Variants in CDK14 observed in about 807,000 individuals in gnomAD.
The protein encoded by CDK14 is cyclin-dependent kinase 14.
In CDK14, 34 loss-of-function variants were observed where a neutral mutation model predicts 60.7. That is an observed-to-expected ratio of 0.56 (90% CI 0.43 to 0.75). The LOEUF (loss-of-function observed/expected upper bound fraction) is 0.75. Ranked by LOEUF, CDK14 falls within the 30% of genes least tolerant of loss-of-function variation. CDK14 has a pLI of 0.00. For missense variants in CDK14, 482 were observed against 564.1 expected (o/e 0.85, Z 1.47); for synonymous variants, 197 against 203.7 (o/e 0.97, Z 0.28).
chr7:90,640,720 A>T (rs1439458951), intron 2 of CDK14, among the ~76,000 whole-genome samples: 1 of 152,104 alleles, frequency 6.6e-6, no homozygotes, highest in Non-Finnish European at 1.5e-5. Context: ...AGTGTTCTAA[A>T]GTTGATTTTG....
At chr7:90,638,732 A>G (rs1051840713) in intron 2 of CDK14, among the ~76,000 whole-genome samples, 18 of 152,204 alleles carry the variant, frequency 1.2e-4, no homozygotes, top group South Asian at 2.1e-4. Flanking sequence ...GTGTTTTCCA[A>G]CTTGGTTATA....
At chr7:91,033,861 AAG>A (rs1252950244) in intron 10 of CDK14, among the ~76,000 whole-genome samples, 1 of 152,204 alleles carries the variant, frequency 6.6e-6, no homozygotes. Flanking sequence ...TCAGTCTGAA[AAG>A]AGAGAAAAGT....
intron 12 of CDK14, among the ~76,000 whole-genome samples, chr7:91,094,542 T>C (rs553545673): frequency 6.6e-6 from 1 of 152,256 alleles, no homozygotes; most frequent in African/African-American, 2.4e-5. Context: ...AAAACAACTC[T>C]CAAATTGTTT....
intron 5 of CDK14, among the ~76,000 whole-genome samples, chr7:90,835,526 A>G (rs1171258499): frequency 2.0e-5 from 3 of 152,180 alleles, no homozygotes; most frequent in Non-Finnish European, 2.9e-5. Context: ...TCTCTGTGCA[A>G]GACAATGATA....
chr7:91,011,079 G>A (rs767623849), intron 10 of CDK14, among the ~76,000 whole-genome samples: 2 of 151,800 alleles, frequency 1.3e-5, no homozygotes, highest in Admixed American at 6.6e-5. Context: ...AATTGATACT[G>A]CTTTGCAGAC....
intron 12 of CDK14, among the ~76,000 whole-genome samples, chr7:91,083,818 G>C (rs1333731767): frequency 6.6e-6 from 1 of 152,174 alleles, no homozygotes; most frequent in Non-Finnish European, 1.5e-5. Context: ...GTTGCAAGCA[G>C]GTGCCAGGAG....
At chr7:90,784,211 C>A (rs191998541) in intron 4 of CDK14, among the ~76,000 whole-genome samples, 1 of 152,042 alleles carries the variant, frequency 6.6e-6, no homozygotes, top group African/African-American at 2.4e-5. Flanking sequence ...TATATGGGAA[C>A]TAAAAAATTG....
chr7:90,868,459 A>G (rs1457635211), intron 6 of CDK14, among the ~76,000 whole-genome samples: 1 of 152,014 alleles, frequency 6.6e-6, no homozygotes, highest in East Asian at 1.9e-4. Flanking sequence ...AGTCATTTGC[A>G]TATCAGTCAT....
chr7:91,006,248 T>A lies in CDK14; in HGVS notation c.1041+22007T>A, dbSNP rs3808288. The stretch of plus-strand genomic sequence containing the variant: ...TTTTTAGTTCTTAAAGAATATAAGT[T>A]TCCATTGAAACTACCCTTCCCCAAA... On this transcript the variant is annotated intron_variant, in intron 10 of 14. Coordinates refer to ENST00000380050, the MANE Select transcript of CDK14 (RefSeq NM_001287135.2). Among the ~76,000 whole-genome samples the A allele has an allele frequency of 5.3e-3, 814 of 152,366 alleles. 21 individuals are homozygous for A. The highest frequency in any genetic ancestry group is 0.046 in the East Asian group (236 of 5,186).
chr7:90,812,891 G>T (rs888561882), intron 5 of CDK14, among the ~76,000 whole-genome samples: 7 of 152,084 alleles, frequency 4.6e-5, no homozygotes, highest in African/African-American at 1.7e-4. Context: ...ATTATCATAT[G>T]ACCCAGTGAC....
chr7:91,024,516 T>G (rs1358886459), intron 10 of CDK14, among the ~76,000 whole-genome samples: 1 of 152,130 alleles, frequency 6.6e-6, no homozygotes, highest in Non-Finnish European at 1.5e-5. Context: ...CTGGGTGTTG[T>G]GGCACACGCC....
intron 12 of CDK14, among the ~76,000 whole-genome samples, chr7:91,089,354 G>A (rs1485660715): frequency 2.6e-5 from 4 of 151,890 alleles, no homozygotes; most frequent in African/African-American, 4.8e-5. Flanking sequence ...TATGTCTGTC[G>A]GCTGAAGAGG....
chr7:91,208,477 T>C lies in CDK14; in HGVS notation c.*1341T>C, dbSNP rs1802971279. ...AGTAGTACTGCGGCCAAGGGGACAG[T>C]TAGGAGACTTCATCTAAAGCATGAA... On this transcript the variant is annotated 3_prime_UTR_variant, in exon 15 of 15. Coordinates refer to ENST00000380050, the MANE Select transcript of CDK14 (RefSeq NM_001287135.2). 1 of 152,286 alleles carries C rather than the reference T, an allele frequency of 6.6e-6. No individual in the cohort carries two copies. Among genetic ancestry groups the C allele is most frequent in the Non-Finnish European group, 1.5e-5 (1 of 68,028 alleles). 9.4% of individuals were successfully genotyped at this position (152,286 alleles called of 1,614,324 possible).
At chr7:91,141,528 TAAAC>T (rs1800456314) in intron 14 of CDK14, among the ~76,000 whole-genome samples, 1 of 151,724 alleles carries the variant, frequency 6.6e-6, no homozygotes, top group Non-Finnish European at 1.5e-5. Flanking sequence ...CTTGATGGGA[TAAAC>T]AAAGATTCAA....
intron 12 of CDK14, among the ~76,000 whole-genome samples, chr7:91,086,240 A>T (rs1490035185): frequency 1.3e-5 from 2 of 152,210 alleles, no homozygotes; most frequent in Non-Finnish European, 2.9e-5. Context: ...ATAGCTCTGG[A>T]GTACCCAATA....
At chr7:91,089,823 A>G (rs561162024) in intron 12 of CDK14, among the ~76,000 whole-genome samples, 74 of 152,318 alleles carry the variant, frequency 4.9e-4, no homozygotes, top group Non-Finnish European at 6.5e-4. Context: ...ACCAAATGGG[A>G]CTAAGCACAT....
At chr7:90,675,530 C>T (rs1801182631) in intron 2 of CDK14, among the ~76,000 whole-genome samples, 1 of 152,004 alleles carries the variant, frequency 6.6e-6, no homozygotes, top group Non-Finnish European at 1.5e-5. Flanking sequence ...ACGGAATGTG[C>T]TCTATAACTT....
intron 10 of CDK14, 59 bp downstream of exon 10, chr7:90,984,300 C>T: frequency 9.9e-7 from 1 of 1,012,606 alleles, no homozygotes; most frequent in Non-Finnish European, 1.6e-6. Flanking sequence ...CACTTAGTGA[C>T]AAATTCTACA....
rs138375196 is a variant in CDK14 at position 91,090,826 on chromosome 7, G to A, written c.1154+11346G>A. Among the ~76,000 whole-genome samples the A allele has an allele frequency of 1.2e-4, 19 of 152,064 alleles. No individual in the cohort carries two copies. In the East Asian group the frequency reaches 2.9e-3, roughly 23 times the overall value. On this transcript the variant is annotated intron_variant, in intron 12 of 14. Coordinates refer to ENST00000380050, the MANE Select transcript of CDK14 (RefSeq NM_001287135.2). ...ATGGAGTTTCAAAGCATGGCATTTC[G>A]GCAGCACTGATTCTGTAGGCGCTGG...
Sources: allele counts gnomAD v4.1 joint callset (sites outside exome capture counted in the v4.1 genomes callset), GRCh38; gene constraint gnomAD v4.1.1; transcripts MANE v1.5; gene names NCBI Gene and HGNC (gene_info 2026-07-23, HGNC 2026-07-21).